Variants in OSBPL8 observed in about 807,000 individuals in gnomAD.
OSBPL8 encodes the protein oxysterol-binding protein-related protein 8.
In OSBPL8, 59 loss-of-function variants were observed where a neutral mutation model predicts 125.5. That is an observed-to-expected ratio of 0.47 (90% confidence interval 0.38 to 0.58). The LOEUF (loss-of-function observed/expected upper bound fraction) is 0.58, where lower values mean the gene tolerates loss of function less well. Among genes scored for constraint, OSBPL8 ranks in the 20% least tolerant of loss-of-function variants. The pLI is 0.00. For synonymous variants in OSBPL8, 330 were observed against 338.9 expected, an observed-to-expected ratio of 0.97 and a Z score of 0.29; for missense variants, 758 against 1,047.8, an observed-to-expected ratio of 0.72 and a Z score of 3.82.
chr12:76,397,975 T>C lies in OSBPL8; in HGVS notation c.469-78A>G, dbSNP rs554948973. ...AACGAAAATACTGCAAATAAGATGTTTTAATCTAAAATTTCCATAACACGT... is the reference window on the plus strand; with the variant it reads ...AACGAAAATACTGCAAATAAGATGTCTTAATCTAAAATTTCCATAACACGT... On this transcript the variant is annotated intron_variant, in intron 7 of 23. Coordinates refer to ENST00000261183, the MANE Select transcript of OSBPL8 (RefSeq NM_020841.5). 557 of 1,266,384 alleles carry C rather than the reference T, an allele frequency of 4.4e-4. 4 individuals are homozygous for C. In the South Asian group the frequency reaches 4.9e-3, roughly 11 times the overall value. The allele number at this position is 1,266,384 out of a possible 1,614,324, so 78.4% of individuals were successfully genotyped here.
intron 2 of OSBPL8, among the ~76,000 whole-genome samples, chr12:76,461,732 C>G (rs1161600614): frequency 6.6e-6 from 1 of 152,100 alleles, no homozygotes; most frequent in African/African-American, 2.4e-5. Context: ...CCACCGTGCC[C>G]GGCATAGTAA....
intron 1 of OSBPL8, among the ~76,000 whole-genome samples, chr12:76,552,997 A>C (rs1005903429): frequency 9.9e-5 from 15 of 152,254 alleles, no homozygotes; most frequent in African/African-American, 3.6e-4. Flanking sequence ...AGTTATTATA[A>C]TCATAACAAT....
At position 76,478,381 on chromosome 12, in the gene OSBPL8, A is replaced by G. The variant is rs1877065766; in HGVS notation, c.42+9129T>C. Among the ~76,000 whole-genome samples, 2 of 152,202 alleles carry G rather than the reference A, an allele frequency of 1.3e-5. 1 individual carries two copies. Among genetic ancestry groups the G allele is most frequent in the South Asian group, 4.1e-4 (2 of 4,832 alleles). ...TTTTACCCCTCACAGATTCTCTGAAAGGGTCTTAGAGAGTCTCAGAGTCCT... is the reference window on the plus strand; with the variant it reads ...TTTTACCCCTCACAGATTCTCTGAAGGGGTCTTAGAGAGTCTCAGAGTCCT... On this transcript the variant is annotated intron_variant, in intron 2 of 23. Transcript: ENST00000261183.
chr12:76,366,611 G>A, intron 21 of OSBPL8: 1 of 444,954 alleles, frequency 2.2e-6, no homozygotes. Flanking sequence ...TCTTTTTCCA[G>A]TTTCTCACGG....
At chr12:76,443,007 G>T (rs1872365804) in intron 4 of OSBPL8, among the ~76,000 whole-genome samples, 1 of 152,004 alleles carries the variant, frequency 6.6e-6, no homozygotes, top group African/African-American at 2.4e-5. Flanking sequence ...TAAAGTGAAG[G>T]GACTTTGCAG....
At chr12:76,358,683 T>G in intron 22 of OSBPL8, 23 bp downstream of exon 22, 4 of 1,533,684 alleles carry the variant, frequency 2.6e-6, no homozygotes, top group Non-Finnish European at 3.6e-6. Flanking sequence ...AGACTCTCAT[T>G]AGTCTGCAAT....
intron 7 of OSBPL8, 85 bp downstream of exon 7, chr12:76,399,788 T>C: frequency 2.0e-6 from 2 of 990,932 alleles, no homozygotes; most frequent in Non-Finnish European, 1.5e-6. Flanking sequence ...GTTTTTGTCT[T>C]GTAGGCGTTA....
At chr12:76,547,446 A>G (rs1050822718) in intron 1 of OSBPL8, among the ~76,000 whole-genome samples, 1 of 152,210 alleles carries the variant, frequency 6.6e-6, no homozygotes, top group East Asian at 1.9e-4. Context: ...AAAAAAGAAT[A>G]AAACAATGCT....
intron 3 of OSBPL8, among the ~76,000 whole-genome samples, chr12:76,452,064 CAG>C (rs997922477): frequency 6.6e-6 from 1 of 151,870 alleles, no homozygotes; most frequent in African/African-American, 2.4e-5. Flanking sequence ...TTGCAGTGAG[CAG>C]AGATCATGCC....
chr12:76,544,702 T>A (rs1950736704), intron 1 of OSBPL8, among the ~76,000 whole-genome samples: 1 of 152,132 alleles, frequency 6.6e-6, no homozygotes, highest in South Asian at 2.1e-4. Context: ...GATGGTCTAA[T>A]ATAAACAACA....
rs573963461 is a variant in OSBPL8, at chr12:76,483,248, G to A, written c.42+4262C>T. On this transcript the variant is annotated intron_variant, in intron 2 of 23. Coordinates refer to ENST00000261183, the MANE Select transcript of OSBPL8 (RefSeq NM_020841.5). Reference sequence around the variant, plus strand: ...TGCACTCCAGCCTGGGTGACAGAGCGAGACTCTGTCTCAAAAAATAACATA... The same window carrying A: ...TGCACTCCAGCCTGGGTGACAGAGCAAGACTCTGTCTCAAAAAATAACATA... Among the ~76,000 whole-genome samples, 48 of 151,922 alleles carry A rather than the reference G, an allele frequency of 3.2e-4. 1 individual carries two copies. The highest frequency in any genetic ancestry group is 5.9e-4 in the Non-Finnish European group (40 of 67,944).
rs532836052 is a variant in OSBPL8, at chr12:76,406,809, C to T, written c.288+3755G>A. Among the ~76,000 whole-genome samples the T allele has an allele frequency of 1.3e-3, 191 of 152,116 alleles. 2 individuals carry two copies. The highest frequency in any genetic ancestry group is 2.4e-3 in the Non-Finnish European group (166 of 67,982). ...TTTTTGATTTGTAGAGTCAAGGTCTCGCTAGGTTGCCCAGGCTGGTCTCGA... is the reference window on the plus strand; with the variant it reads ...TTTTTGATTTGTAGAGTCAAGGTCTTGCTAGGTTGCCCAGGCTGGTCTCGA... On this transcript the variant is annotated intron_variant, in intron 5 of 23. Transcript: ENST00000261183.
intron 2 of OSBPL8, among the ~76,000 whole-genome samples, chr12:76,473,009 G>C (rs1432791355): frequency 6.6e-6 from 1 of 152,060 alleles, no homozygotes; most frequent in Non-Finnish European, 1.5e-5. Flanking sequence ...CTAGACCATG[G>C]TCTGCTTGGC....
chr12:76,477,040 T>C (rs1876894308), intron 2 of OSBPL8, among the ~76,000 whole-genome samples: 1 of 152,186 alleles, frequency 6.6e-6, no homozygotes, highest in South Asian at 2.1e-4. Context: ...AGAGTTTATC[T>C]TGGTATCACT....
chr12:76,378,574 A>C (rs1465486258), intron 15 of OSBPL8, 24 bp from the exon 16 acceptor site: 3 of 1,495,300 alleles, frequency 2.0e-6, no homozygotes, highest in Non-Finnish European at 1.8e-6. Flanking sequence ...TTGTTTATTA[A>C]ATTTCACAAA....
chr12:76,401,641 T>C (rs970717523), intron 6 of OSBPL8, among the ~76,000 whole-genome samples: 3 of 152,188 alleles, frequency 2.0e-5, no homozygotes, highest in Non-Finnish European at 2.9e-5. Context: ...CACTGGCCTA[T>C]ACTGCTTCTA....
At chr12:76,414,209 T>C (rs976277161) in intron 4 of OSBPL8, among the ~76,000 whole-genome samples, 1 of 152,068 alleles carries the variant, frequency 6.6e-6, no homozygotes, top group Non-Finnish European at 1.5e-5. Flanking sequence ...TGTGTAGGTC[T>C]GTTTCTGCAC....
intron 1 of OSBPL8, among the ~76,000 whole-genome samples, chr12:76,512,001 A>T (rs1226658195): frequency 6.6e-6 from 1 of 152,154 alleles, no homozygotes; most frequent in East Asian, 1.9e-4. Context: ...GTTTGCTGGT[A>T]CATGTGAAGG....
At chr12:76,548,731 T>C (rs1384580647) in intron 1 of OSBPL8, among the ~76,000 whole-genome samples, 1 of 152,088 alleles carries the variant, frequency 6.6e-6, no homozygotes, top group African/African-American at 2.4e-5. Flanking sequence ...CAAAGTGCTC[T>C]GGCCAGAATT....
Sources: allele counts gnomAD v4.1 joint callset (sites outside exome capture counted in the v4.1 genomes callset), GRCh38; gene constraint gnomAD v4.1.1; transcripts MANE v1.5; gene names NCBI Gene and HGNC (gene_info 2026-07-23, HGNC 2026-07-21).